SYT1: variants seen among roughly 807,000 people sequenced by gnomAD.
The protein encoded by SYT1 is synaptotagmin-1.
In SYT1, 8 loss-of-function variants were observed where a neutral mutation model predicts 44.8. The observed-to-expected ratio is 0.18, with a 90% CI of 0.10 to 0.32. The LOEUF is 0.32. Among genes scored for constraint, SYT1 ranks in the 10% least tolerant of loss-of-function variants. SYT1 has a pLI of 1.00. For missense variants in SYT1, 286 were observed against 509.3 expected (o/e 0.56, Z 4.22); for synonymous variants, 154 against 188.8 (o/e 0.82, Z 1.51).
At chr12:78,903,012 A>G (rs769064510) in intron 1 of SYT1, among the ~76,000 whole-genome samples, 21 of 152,186 alleles carry the variant, frequency 1.4e-4, no homozygotes, top group Non-Finnish European at 2.8e-4. Context: ...TTAGGGTCAT[A>G]GTATTAAATC....
At chr12:79,095,014 GTC>G (rs1329984380) in intron 3 of SYT1, among the ~76,000 whole-genome samples, 5 of 151,876 alleles carry the variant, frequency 3.3e-5, no homozygotes, top group Non-Finnish European at 7.4e-5. Context: ...ATATTTGTGG[GTC>G]TCTCAACCTT....
At chr12:79,005,246 C>T (rs558648904) in intron 2 of SYT1, among the ~76,000 whole-genome samples, 37 of 151,900 alleles carry the variant, frequency 2.4e-4, no homozygotes, top group Non-Finnish European at 5.0e-4. Context: ...ATATCTGAAC[C>T]TATTTATTAG....
At chr12:79,003,040 C>T (rs558421968) in intron 2 of SYT1, among the ~76,000 whole-genome samples, 1 of 152,026 alleles carries the variant, frequency 6.6e-6, no homozygotes, top group Non-Finnish European at 1.5e-5. Flanking sequence ...AACAATACTG[C>T]AAAATCATTT....
intron 4 of SYT1, among the ~76,000 whole-genome samples, chr12:79,223,339 G>C (rs1875290005): frequency 6.6e-6 from 1 of 152,234 alleles, no homozygotes; most frequent in Non-Finnish European, 1.5e-5. Flanking sequence ...GGCATCGCCA[G>C]AGCCTGGGGC....
intron 4 of SYT1, among the ~76,000 whole-genome samples, chr12:79,238,536 G>A (rs758628401): frequency 1.9e-4 from 29 of 152,152 alleles, no homozygotes; most frequent in Non-Finnish European, 3.7e-4. Context: ...ATGTGAAAGC[G>A]GTGAGCGTGA....
At chr12:79,302,825 T>A (rs971015741) in intron 8 of SYT1, among the ~76,000 whole-genome samples, 1 of 152,208 alleles carries the variant, frequency 6.6e-6, no homozygotes, top group African/African-American at 2.4e-5. Context: ...AAGGTGGAAT[T>A]TGACCTTGGA....
rs1401666194 is a variant in SYT1 at position 79,144,090 on chromosome 12, C to T, written c.-17-73413C>T. On this transcript the variant is annotated intron_variant, in intron 3 of 10. Transcript: ENST00000261205. Reference sequence around the variant, plus strand: ...GCTAATGGCACATCCATCCTCACCTCCTTGATCTGTCATTTCCTCCAAAAT... The same window carrying T: ...GCTAATGGCACATCCATCCTCACCTTCTTGATCTGTCATTTCCTCCAAAAT... Among the ~76,000 whole-genome samples, 6 of 152,136 alleles carry T rather than the reference C, an allele frequency of 3.9e-5. No homozygotes were observed. In the South Asian group the frequency reaches 1.2e-3, roughly 32 times the overall value.
chr12:79,350,473 C>T (rs1033793373), intron 8 of SYT1, among the ~76,000 whole-genome samples: 4 of 151,876 alleles, frequency 2.6e-5, no homozygotes, highest in African/African-American at 7.3e-5. Context: ...AGGATGGTCT[C>T]GATGTCCTGA....
intron 3 of SYT1, among the ~76,000 whole-genome samples, chr12:79,090,749 G>C (rs965570315): frequency 6.6e-6 from 1 of 151,938 alleles, no homozygotes; most frequent in Non-Finnish European, 1.5e-5. Context: ...GAAAGAAAAA[G>C]AGGCCTGAAG....
At chr12:78,865,425 C>A (rs1435911512) in intron 1 of SYT1, among the ~76,000 whole-genome samples, 1 of 152,028 alleles carries the variant, frequency 6.6e-6, no homozygotes, top group Non-Finnish European at 1.5e-5. Context: ...TCTTTCTCTC[C>A]CACACCTCCC....
intron 4 of SYT1, among the ~76,000 whole-genome samples, chr12:79,250,316 T>C (rs1015920138): frequency 7.9e-5 from 12 of 152,182 alleles, no homozygotes; most frequent in African/African-American, 2.9e-4. Context: ...CTCTTATTTC[T>C]TGTTCTTACT....
chr12:78,935,974 G>C (rs1317080685), intron 1 of SYT1, among the ~76,000 whole-genome samples: 15 of 152,020 alleles, frequency 9.9e-5, no homozygotes, highest in Admixed American at 9.8e-4. Context: ...AGTACAAAGA[G>C]TTCATTTTCT....
intron 1 of SYT1, among the ~76,000 whole-genome samples, chr12:78,888,996 G>A (rs985257010): frequency 4.6e-5 from 7 of 151,754 alleles, no homozygotes; most frequent in Non-Finnish European, 8.8e-5. Flanking sequence ...TCTTTGCTCC[G>A]AAACCCGTAT....
At chr12:79,009,192 A>T (rs17046226) in intron 2 of SYT1, among the ~76,000 whole-genome samples, 6,790 of 152,296 alleles carry the variant, frequency 0.045, 188 homozygotes, top group Middle Eastern at 0.078. Flanking sequence ...ATAAATGGTT[A>T]GTACTTTCTA....
rs146575178 is a variant in SYT1, at chr12:78,982,705, C to T, written c.-84+4774C>T. ...TGAATTTTCTAAACGGTTTTGTTAC[C>T]CCAAAGCATAGAAGTGATACCTCAA... On this transcript the variant is annotated intron_variant, in intron 2 of 10. Transcript: ENST00000261205. 3.5e-3 allele frequency among the ~76,000 whole-genome samples: 534 copies of T among 152,106 alleles called. 1 individual carries two copies. The highest frequency in any genetic ancestry group is 0.012 in the African/African-American group (497 of 41,484).
At chr12:78,915,660 A>G (rs1169915738) in intron 1 of SYT1, among the ~76,000 whole-genome samples, 3 of 152,042 alleles carry the variant, frequency 2.0e-5, no homozygotes, top group African/African-American at 7.2e-5. Context: ...TTAAAAAACA[A>G]CAAAATTTGT....
chr12:79,028,848 T>A (rs994051974), intron 2 of SYT1, among the ~76,000 whole-genome samples: 1 of 151,296 alleles, frequency 6.6e-6, no homozygotes, highest in Non-Finnish European at 1.5e-5. Context: ...ACCCATGACC[T>A]TGTCTCAAGA....
intron 8 of SYT1, among the ~76,000 whole-genome samples, chr12:79,303,106 A>T (rs1185448989): frequency 3.3e-5 from 5 of 152,112 alleles, no homozygotes; most frequent in Non-Finnish European, 7.4e-5. Flanking sequence ...CAAACCTGAA[A>T]CCAATCTTTA....
chr12:79,008,249 G>A (rs988577918), intron 2 of SYT1, among the ~76,000 whole-genome samples: 2 of 151,970 alleles, frequency 1.3e-5, no homozygotes, highest in Admixed American at 6.6e-5. Flanking sequence ...TTCAGCATGT[G>A]CAAAAGTCCT....
Sources: gnomAD v4.1 joint callset for allele counts (sites outside exome capture counted in the v4.1 genomes callset) on GRCh38, gnomAD v4.1.1 for gene constraint, MANE v1.5 for transcripts, NCBI Gene and HGNC (gene_info 2026-07-23, HGNC 2026-07-21) for gene names.